Variants in HOMER2 observed in about 807,000 individuals in gnomAD.
The protein encoded by HOMER2 is homer scaffold protein 2.
HOMER2 carries 27 observed loss-of-function variants against 47.0 expected under a neutral mutation model. That is an observed-to-expected ratio of 0.57 (90% CI 0.42 to 0.79). HOMER2 has a LOEUF of 0.79. Among genes scored for constraint, HOMER2 ranks in the 30% least tolerant of loss-of-function variants. HOMER2 has a pLI of 0.00. For synonymous variants in HOMER2, 161 were observed against 163.8 expected (o/e 0.98, Z 0.13); for missense variants, 443 against 435.0 (o/e 1.02, Z -0.16).
intron 1 of HOMER2, among the ~76,000 whole-genome samples, chr15:82,949,089 C>T (rs60314957): frequency 4.9e-5 from 7 of 142,588 alleles, no homozygotes; most frequent in African/African-American, 1.0e-4. Context: ...AAACATGACT[C>T]TTGGCAAATG....
Position 82,892,749 on chromosome 15 carries a change from G to A in HOMER2, c.98C>T (p.Thr33Ile). Residue 33 changes from threonine (T) to isoleucine (I), a missense_variant, in exon 2 of 9, where the codon ACC (threonine) becomes ATC (isoleucine). Physicochemically the swap from Thr to Ile is moderately conservative, Grantham distance 89. Coordinates refer to ENST00000450735, the MANE Select transcript of HOMER2 (RefSeq NM_004839.4). ...TGTGACATCATAGAAGTAGGAAACGGTGACCGCCTGCTTGCTCGCAGGCAT... is the reference window on the plus strand; with the variant it reads ...TGTGACATCATAGAAGTAGGAAACGATGACCGCCTGCTTGCTCGCAGGCAT... ...NWMPASKQAV[T>I]VSYFYDVTRN... 1.2e-6 allele frequency: 2 copies of A among 1,606,322 alleles called. No individual in the cohort carries two copies. The highest frequency in any genetic ancestry group is 1.7e-6 in the Non-Finnish European group (2 of 1,174,622).
chr15:82,942,869 G>A (rs1394466381), intron 1 of HOMER2, among the ~76,000 whole-genome samples: 1 of 152,194 alleles, frequency 6.6e-6, no homozygotes, highest in Non-Finnish European at 1.5e-5. Flanking sequence ...ATTTCACAGG[G>A]TAAGCCTCGG....
At position 82,913,953 on chromosome 15, in the gene HOMER2, C is replaced by G. The variant is rs778221424; in HGVS notation, c.6-21112G>C. Among the ~76,000 whole-genome samples the G allele has an allele frequency of 6.6e-6, 1 of 152,122 alleles. No homozygotes were observed. The highest frequency in any genetic ancestry group is 2.4e-5 in the African/African-American group (1 of 41,422). The stretch of plus-strand genomic sequence containing the variant: ...AGGTTCAAAGCAGCATTATTCACAA[C>G]AGCCACAAAGTAGAAACGACCCAAA... On this transcript the variant is annotated intron_variant, in intron 1 of 8. Transcript: ENST00000450735. This position sits in a 1 kb window ranked among gnomAD's most constrained non-coding sequence, Gnocchi z 4.1.
At chr15:82,857,015 C>A (rs990822788) in intron 5 of HOMER2, among the ~76,000 whole-genome samples, 3 of 152,104 alleles carry the variant, frequency 2.0e-5, no homozygotes, top group African/African-American at 7.2e-5. Context: ...GGGGGAAGTT[C>A]AAAATGACAG....
chr15:82,947,534 C>T (rs72755935), intron 1 of HOMER2, among the ~76,000 whole-genome samples: 6,933 of 152,266 alleles, frequency 0.046, 227 homozygotes, highest in Non-Finnish European at 0.069. Context: ...TTCTGTTAGT[C>T]TTTTGCAGGA....
intron 1 of HOMER2, among the ~76,000 whole-genome samples, chr15:82,897,316 G>A (rs971310600): frequency 6.6e-6 from 1 of 151,916 alleles, no homozygotes; most frequent in Non-Finnish European, 1.5e-5. Flanking sequence ...CACATGCCTC[G>A]GCCTCCCAAA....
intron 1 of HOMER2, among the ~76,000 whole-genome samples, chr15:82,931,925 T>G (rs920680616): frequency 1.3e-5 from 2 of 152,216 alleles, no homozygotes; most frequent in African/African-American, 4.8e-5. Context: ...TAACCAGCAG[T>G]TCTGTCTCAC....
chr15:82,974,091 A>T (rs569256511), intron 1 of HOMER2, among the ~76,000 whole-genome samples: 1 of 151,550 alleles, frequency 6.6e-6, no homozygotes, highest in African/African-American at 2.4e-5. Flanking sequence ...AAATTAAGCC[A>T]ATGTCCTTCC....
intron 1 of HOMER2, among the ~76,000 whole-genome samples, chr15:82,904,981 C>A (rs925861022): frequency 6.6e-6 from 1 of 151,992 alleles, no homozygotes; most frequent in African/African-American, 2.4e-5. Context: ...ATTATCAGAC[C>A]AGGAATTTTT....
intron 4 of HOMER2, among the ~76,000 whole-genome samples, chr15:82,859,720 C>T (rs948681628): frequency 1.3e-5 from 2 of 152,066 alleles, no homozygotes; most frequent in Non-Finnish European, 1.5e-5. Context: ...AAGTGTTTTC[C>T]GTAAGTCATA....
At chr15:82,858,218 C>CA (rs1370121240) in intron 5 of HOMER2, among the ~76,000 whole-genome samples, 1 of 152,058 alleles carries the variant, frequency 6.6e-6, no homozygotes, top group Non-Finnish European at 1.5e-5. Flanking sequence ...ATATAGGTGA[C>CA]TGAGTTTTGT....
chr15:82,875,653 G>A (rs1010482366), intron 2 of HOMER2, among the ~76,000 whole-genome samples: 22 of 152,266 alleles, frequency 1.4e-4, no homozygotes, highest in African/African-American at 4.6e-4. Flanking sequence ...GATCCTACAC[G>A]TTATCCGTGG....
intron 1 of HOMER2, among the ~76,000 whole-genome samples, chr15:82,968,194 G>C (rs2054692983): frequency 6.6e-6 from 1 of 152,068 alleles, no homozygotes; most frequent in Non-Finnish European, 1.5e-5. Flanking sequence ...GAGCCACCAT[G>C]GCCGGCCATT....
chr15:82,961,374 C>T (rs2054629096), intron 1 of HOMER2, among the ~76,000 whole-genome samples: 1 of 152,246 alleles, frequency 6.6e-6, no homozygotes, highest in Admixed American at 6.5e-5. Context: ...TGACAGACCC[C>T]TCCTTTTAGA....
intron 5 of HOMER2, among the ~76,000 whole-genome samples, chr15:82,857,956 T>C (rs1413168573): frequency 6.6e-6 from 1 of 152,220 alleles, no homozygotes; most frequent in Non-Finnish European, 1.5e-5. Flanking sequence ...CTTACTGATA[T>C]CATTATGGGG....
intron 2 of HOMER2, among the ~76,000 whole-genome samples, chr15:82,891,665 A>C (rs1396771415): frequency 1.3e-5 from 2 of 152,152 alleles, no homozygotes; most frequent in Admixed American, 6.5e-5. Context: ...ATCTAGAGGC[A>C]AAAGTCAGAC....
At chr15:82,960,679 C>A (rs2151250407) in intron 1 of HOMER2, among the ~76,000 whole-genome samples, 1 of 152,232 alleles carries the variant, frequency 6.6e-6, no homozygotes, top group Admixed American at 6.5e-5. Context: ...TACTGAACAC[C>A]TACTATGCGC....
chr15:82,903,155 A>G (rs2053177318), intron 1 of HOMER2, among the ~76,000 whole-genome samples: 1 of 152,218 alleles, frequency 6.6e-6, no homozygotes, highest in Admixed American at 6.5e-5. Flanking sequence ...GGAAGCTATT[A>G]CTGAGGCACT....
At chr15:82,848,670 C>T (rs1444712963), downstream of HOMER2, among the ~76,000 whole-genome samples, 1 of 152,224 alleles carries the variant, frequency 6.6e-6, no homozygotes, top group Non-Finnish European at 1.5e-5. Context: ...CAATCCTACC[C>T]TAGGTACCAA....
Sources: gnomAD v4.1 joint callset for allele counts (sites outside exome capture counted in the v4.1 genomes callset) on GRCh38, gnomAD v4.1.1 for gene constraint, Gnocchi (gnomAD v3.1) non-coding constraint, MANE v1.5 for transcripts, NCBI Gene and HGNC (gene_info 2026-07-23, HGNC 2026-07-21) for gene names.